CAMKMT: variants seen among roughly 807,000 people sequenced by gnomAD.
CAMKMT encodes calmodulin-lysine N-methyltransferase, also known as CaM KMT.
Under a neutral mutation model 48.0 loss-of-function variants are expected in CAMKMT, and 53 were observed. The ratio of observed to expected loss-of-function variants is 1.10; its 90% CI spans 0.89 to 1.39. The LOEUF (loss-of-function observed/expected upper bound fraction) is 1.39, where lower values mean the gene tolerates loss of function less well. Ranked by LOEUF, CAMKMT falls within the 40% of genes most tolerant of loss-of-function variation. The pLI, the probability that CAMKMT is intolerant of heterozygous loss-of-function variation, is 0.00. For missense variants in CAMKMT, 428 were observed against 402.7 expected, an observed-to-expected ratio of 1.06 and a Z score of -0.54; for synonymous variants, 165 against 152.3, an observed-to-expected ratio of 1.08 and a Z score of -0.61.
At chr2:44,733,340 G>T (rs1446291531) in intron 7 of CAMKMT, among the ~76,000 whole-genome samples, 1 of 152,016 alleles carries the variant, frequency 6.6e-6, no homozygotes, top group Non-Finnish European at 1.5e-5. Context: ...CCAATTATTT[G>T]TTGATTTTAT....
At chr2:44,483,122 T>C (rs575502280) in intron 3 of CAMKMT, among the ~76,000 whole-genome samples, 17 of 152,274 alleles carry the variant, frequency 1.1e-4, no homozygotes, top group Non-Finnish European at 2.2e-4. Context: ...CAACTGACAT[T>C]TTCCCATTCA....
At chr2:44,636,493 A>G (rs1673144904) in intron 3 of CAMKMT, among the ~76,000 whole-genome samples, 1 of 152,224 alleles carries the variant, frequency 6.6e-6, no homozygotes, top group Non-Finnish European at 1.5e-5. Context: ...AGTGTAACTT[A>G]GGTGCAGCTG....
chr2:44,760,760 G>A (rs565204680), intron 9 of CAMKMT, among the ~76,000 whole-genome samples: 4 of 152,122 alleles, frequency 2.6e-5, no homozygotes, highest in Non-Finnish European at 5.9e-5. Context: ...TCTGCCCATA[G>A]CATAAAGGGT....
chr2:44,479,645 C>A (rs901276683), intron 3 of CAMKMT, among the ~76,000 whole-genome samples: 1 of 152,170 alleles, frequency 6.6e-6, no homozygotes, highest in African/African-American at 2.4e-5. Context: ...GCAGTTCCTA[C>A]AGTTTCAGAG....
chr2:44,706,224 A>ATC lies in CAMKMT; in HGVS notation c.438-55_438-54dup, dbSNP rs1286177453. The ATC allele has an allele frequency of 8.4e-6, 13 of 1,545,030 alleles. No individual in the cohort carries two copies. In the East Asian group the frequency reaches 2.2e-4, roughly 27 times the overall value. Reference sequence around the variant, plus strand: ...ATGGCAATTTGTTCTTGTAACATATATCTCTCTCTGACCATTTTCATCTAA... The same window carrying ATC: ...ATGGCAATTTGTTCTTGTAACATATATCTCTCTCTCTGACCATTTTCATCTAA... On this transcript the variant is annotated intron_variant, in intron 4 of 10. Coordinates refer to ENST00000378494, the MANE Select transcript of CAMKMT (RefSeq NM_024766.5).
Position 44,648,081 on chromosome 2 carries a change from G to C in CAMKMT, c.377-56202G>C, listed in dbSNP as rs142885425. ...CTAGGCAATTGTTAAAAAGAATGAG[G>C]TCAATCTTATATGTATTGACAGGGA... On this transcript the variant is annotated intron_variant, in intron 3 of 10. Coordinates refer to ENST00000378494, the MANE Select transcript of CAMKMT (RefSeq NM_024766.5). Among the ~76,000 whole-genome samples the C allele has an allele frequency of 2.0e-3, 309 of 152,082 alleles. No homozygotes were observed. In the Middle Eastern group the frequency reaches 0.024, roughly 12 times the overall value.
intron 2 of CAMKMT, among the ~76,000 whole-genome samples, chr2:44,383,716 G>T (rs1680492515): frequency 6.6e-6 from 1 of 152,112 alleles, no homozygotes; most frequent in Admixed American, 6.5e-5. Context: ...ACATATCAGT[G>T]AGAATATATG....
intron 3 of CAMKMT, among the ~76,000 whole-genome samples, chr2:44,547,447 G>A (rs942657588): frequency 7.9e-5 from 12 of 152,128 alleles, no homozygotes; most frequent in Non-Finnish European, 1.6e-4. Flanking sequence ...CTGAGACCGG[G>A]AACTTGAGGC....
intron 3 of CAMKMT, among the ~76,000 whole-genome samples, chr2:44,599,869 A>G (rs981902687): frequency 4.6e-5 from 7 of 151,150 alleles, no homozygotes; most frequent in African/African-American, 1.7e-4. Context: ...TGTTTGCTTT[A>G]AGAAACTAGG....
At position 44,754,038 on chromosome 2, in the gene CAMKMT, T is replaced by C; in HGVS notation, c.699-17T>C. ...AAACCCAGTTTAATCTGGATTCTGC[T>C]CTCTTCTCAATGTCAGCCTGTTTCT... On this transcript the variant is annotated splice_polypyrimidine_tract_variant and intron_variant, in intron 8 of 10. Coordinates refer to ENST00000378494, the MANE Select transcript of CAMKMT (RefSeq NM_024766.5). The C allele has an allele frequency of 2.5e-6, 4 of 1,609,836 alleles. No individual in the cohort carries two copies. The highest frequency in any genetic ancestry group is 3.4e-6 in the Non-Finnish European group (4 of 1,176,456).
At chr2:44,409,366 A>G (rs922707222) in intron 3 of CAMKMT, among the ~76,000 whole-genome samples, 2 of 152,060 alleles carry the variant, frequency 1.3e-5, no homozygotes, top group Non-Finnish European at 2.9e-5. Flanking sequence ...CTTCAGACTC[A>G]GAAACATTTA....
At chr2:44,402,740 GTTTTTTTTT>G in intron 3 of CAMKMT, among the ~76,000 whole-genome samples, 1 of 94,106 alleles carries the variant, frequency 1.1e-5, no homozygotes, top group Non-Finnish European at 2.1e-5. Flanking sequence ...TTGTTTTGCT[GTTTTTTTTT>G]TTTTTTTTTT....
At chr2:44,530,747 G>A (rs1666440591) in intron 3 of CAMKMT, among the ~76,000 whole-genome samples, 1 of 152,026 alleles carries the variant, frequency 6.6e-6, no homozygotes, top group Admixed American at 6.6e-5. Flanking sequence ...GGGAGGAAAA[G>A]GGAGGATATC....
At chr2:44,447,029 C>T (rs1419740412) in intron 3 of CAMKMT, among the ~76,000 whole-genome samples, 1 of 152,134 alleles carries the variant, frequency 6.6e-6, no homozygotes, top group Non-Finnish European at 1.5e-5. Context: ...CTTATCTGCA[C>T]AAAATTTTGG....
At chr2:44,703,383 A>G (rs1055979033) in intron 3 of CAMKMT, among the ~76,000 whole-genome samples, 2 of 152,160 alleles carry the variant, frequency 1.3e-5, no homozygotes, top group African/African-American at 4.8e-5. Context: ...CATCCATGCA[A>G]TTTAGCAGGT....
chr2:44,651,715 G>A (rs1674076735), intron 3 of CAMKMT, among the ~76,000 whole-genome samples: 1 of 152,190 alleles, frequency 6.6e-6, no homozygotes, highest in Admixed American at 6.5e-5. Flanking sequence ...GCCTGGAGTT[G>A]TGTTAAGGTG....
At chr2:44,660,179 A>G (rs1444404779) in intron 3 of CAMKMT, among the ~76,000 whole-genome samples, 11 of 152,246 alleles carry the variant, frequency 7.2e-5, no homozygotes. Flanking sequence ...TATTTTTACA[A>G]ACCTCTTTAA....
chr2:44,646,848 T>C lies in CAMKMT; in HGVS notation c.377-57435T>C, dbSNP rs917255245. Among the ~76,000 whole-genome samples the C allele has an allele frequency of 8.9e-4, 136 of 152,304 alleles. 1 individual carries two copies. Among genetic ancestry groups the C allele is most frequent in the Admixed American group, 8.8e-3 (135 of 15,292 alleles). On this transcript the variant is annotated intron_variant, in intron 3 of 10. Coordinates refer to ENST00000378494, the MANE Select transcript of CAMKMT (RefSeq NM_024766.5). ...GTGCTTTTTAAAGAGCTGCATGTTGTCTCTGGTTAGTAAACGATGGTTCAT... is the reference window on the plus strand; with the variant it reads ...GTGCTTTTTAAAGAGCTGCATGTTGCCTCTGGTTAGTAAACGATGGTTCAT...
intron 9 of CAMKMT, among the ~76,000 whole-genome samples, chr2:44,755,109 A>G (rs1469393310): frequency 1.3e-5 from 2 of 152,126 alleles, no homozygotes; most frequent in Non-Finnish European, 1.5e-5. Flanking sequence ...CAATCTGATA[A>G]TCATCCTTTG....
Sources: gnomAD v4.1 joint callset for allele counts (sites outside exome capture counted in the v4.1 genomes callset) on GRCh38, gnomAD v4.1.1 for gene constraint, MANE v1.5 for transcripts, NCBI Gene and HGNC (gene_info 2026-07-23, HGNC 2026-07-21) for gene names.